The following SLC38A6 variants were observed in gnomAD, a reference collection of about 807,000 sequenced individuals.
SLC38A6 encodes solute carrier family 38 member 6, also known as N system amino acid transporter NAT-1.
SLC38A6 carries 73 observed loss-of-function variants against 65.0 expected under a neutral mutation model. The observed-to-expected ratio is 1.12, with a 90% CI of 0.93 to 1.37. The LOEUF is 1.37. Ranked by LOEUF, SLC38A6 falls within the 40% of genes most tolerant of loss-of-function variation. The pLI is 0.00. For missense variants in SLC38A6, 561 were observed against 531.1 expected (o/e 1.06, Z -0.55); for synonymous variants, 183 against 178.8 (o/e 1.02, Z -0.19).
intron 6 of SLC38A6, 95 bp from the exon 7 acceptor site, chr14:61,036,960 CTGTG>C (rs34977105): frequency 0.021 from 9,384 of 437,090 alleles, 142 homozygotes; most frequent in African/African-American, 0.091. Context: ...GGTTATAACT[CTGTG>C]TGTGTGTGTG....
At chr14:60,981,831 T>C (rs940171363) in intron 1 of SLC38A6, 1 of 917,998 alleles carries the variant, frequency 1.1e-6, no homozygotes, top group Non-Finnish European at 1.5e-6. Flanking sequence ...AGCGGTAGAA[T>C]GGAAGTGGCT....
chr14:61,022,117 T>G (rs926239466), intron 5 of SLC38A6, among the ~76,000 whole-genome samples: 1 of 152,168 alleles, frequency 6.6e-6, no homozygotes, highest in Admixed American at 6.5e-5. Context: ...GGAGGCATAT[T>G]AATTATTTTA....
At chr14:60,994,441 A>C (rs1478468945) in intron 3 of SLC38A6, among the ~76,000 whole-genome samples, 2 of 152,118 alleles carry the variant, frequency 1.3e-5, no homozygotes, top group Non-Finnish European at 2.9e-5. Flanking sequence ...GCTACTCAGG[A>C]GGCTGAGGCA....
At chr14:61,035,238 G>C (rs969023021) in intron 6 of SLC38A6, among the ~76,000 whole-genome samples, 1 of 151,670 alleles carries the variant, frequency 6.6e-6, no homozygotes. Context: ...AAAGAAAATT[G>C]AGAAAAAAAA....
chr14:61,080,863 G>A (rs962101343), intron 16 of SLC38A6, among the ~76,000 whole-genome samples: 1 of 152,154 alleles, frequency 6.6e-6, no homozygotes, highest in African/African-American at 2.4e-5. Flanking sequence ...CTCGGCACCT[G>A]GTTCAAATTT....
chr14:60,998,196 C>G (rs2038426896), intron 3 of SLC38A6, among the ~76,000 whole-genome samples: 1 of 151,564 alleles, frequency 6.6e-6, no homozygotes, highest in South Asian at 2.1e-4. Context: ...AGCAAAGGCC[C>G]CCACCCCCCA....
intron 12 of SLC38A6, among the ~76,000 whole-genome samples, chr14:61,049,854 T>C (rs1362941599): frequency 1.3e-5 from 2 of 152,104 alleles, no homozygotes; most frequent in Middle Eastern, 3.2e-3. Context: ...TAGGGAGACA[T>C]TGTGAGAATG....
chr14:61,068,417 C>A (rs940704184), intron 15 of SLC38A6, among the ~76,000 whole-genome samples: 5 of 152,134 alleles, frequency 3.3e-5, no homozygotes, highest in African/African-American at 1.2e-4. Flanking sequence ...CTACAAGGCT[C>A]AATTTTGTCT....
intron 6 of SLC38A6, among the ~76,000 whole-genome samples, chr14:61,033,190 A>T (rs2041120413): frequency 6.6e-6 from 1 of 152,012 alleles, no homozygotes; most frequent in South Asian, 2.1e-4. Flanking sequence ...ATGGGATGTG[A>T]GTAAGATCCT....
intron 6 of SLC38A6, among the ~76,000 whole-genome samples, chr14:61,032,644 A>C (rs970935328): frequency 1.3e-5 from 2 of 151,834 alleles, no homozygotes; most frequent in Admixed American, 1.3e-4. Context: ...TTTTAAATGT[A>C]ATATATATTC....
chr14:61,038,084 A>C (rs2041524894), intron 8 of SLC38A6, among the ~76,000 whole-genome samples: 2 of 152,146 alleles, frequency 1.3e-5, no homozygotes, highest in African/African-American at 4.8e-5. Context: ...ATAAAAAAAC[A>C]GAGCTTCTGG....
intron 15 of SLC38A6, among the ~76,000 whole-genome samples, chr14:61,076,481 G>A (rs2043423871): frequency 6.6e-6 from 1 of 152,186 alleles, no homozygotes; most frequent in Admixed American, 6.5e-5. Flanking sequence ...TAGAGAGACT[G>A]TAAGGTTAAA....
In SLC38A6 at chr14:61,013,744, C is replaced by T. The variant is rs1217995745; in HGVS notation, c.311-2160C>T. Among the ~76,000 whole-genome samples, 3 of 152,270 alleles carry T rather than the reference C, an allele frequency of 2.0e-5. 1 individual carries two copies. Among genetic ancestry groups the T allele is most frequent in the African/African-American group, 4.8e-5 (2 of 41,554 alleles). Reference sequence around the variant, plus strand: ...GTCTTCTGGCTTGTGAAGTTTCTGCCAAGAGATCAGCTGTTAGTCTGATGG... The same window carrying T: ...GTCTTCTGGCTTGTGAAGTTTCTGCTAAGAGATCAGCTGTTAGTCTGATGG... On this transcript the variant is annotated intron_variant, in intron 3 of 15. Transcript: ENST00000267488.
chr14:61,041,679 A>T (rs935268623), intron 8 of SLC38A6, among the ~76,000 whole-genome samples: 1 of 152,176 alleles, frequency 6.6e-6, no homozygotes, highest in African/African-American at 2.4e-5. Context: ...CAGGCGGATT[A>T]CTTGAGCCTA....
intron 6 of SLC38A6, among the ~76,000 whole-genome samples, chr14:61,031,266 C>G (rs1046942738): frequency 3.3e-5 from 5 of 152,110 alleles, no homozygotes; most frequent in African/African-American, 9.7e-5. Flanking sequence ...AGTTATTTCA[C>G]ATAGTTAAGT....
intron 15 of SLC38A6, among the ~76,000 whole-genome samples, chr14:61,063,443 A>G (rs2042921801): frequency 6.6e-6 from 1 of 152,222 alleles, no homozygotes. Context: ...TTTGGAGGTT[A>G]TAAATCATTG....
intron 3 of SLC38A6, among the ~76,000 whole-genome samples, chr14:61,014,601 CAGTT>C (rs1446263651): frequency 5.9e-5 from 9 of 152,186 alleles, no homozygotes; most frequent in Non-Finnish European, 8.8e-5. Context: ...TTCCTTCTAA[CAGTT>C]AGGACCCTCA....
At chr14:61,007,091 C>A (rs1266134927) in intron 3 of SLC38A6, among the ~76,000 whole-genome samples, 1 of 152,080 alleles carries the variant, frequency 6.6e-6, no homozygotes, top group Non-Finnish European at 1.5e-5. Flanking sequence ...CCAAACACCA[C>A]ATGTTCTTAC....
chr14:60,994,958 C>T (rs1471250278), intron 3 of SLC38A6, among the ~76,000 whole-genome samples: 5 of 129,908 alleles, frequency 3.8e-5, no homozygotes, highest in East Asian at 2.3e-4. Context: ...GAGCTGAAAT[C>T]GTGCCACTGC....
Sources: allele counts gnomAD v4.1 joint callset (sites outside exome capture counted in the v4.1 genomes callset), GRCh38; gene constraint gnomAD v4.1.1; transcripts MANE v1.5; gene names NCBI Gene and HGNC (gene_info 2026-07-23, HGNC 2026-07-21).